The following PTPRC variants were observed in gnomAD, a reference collection of about 807,000 sequenced individuals.
PTPRC encodes protein tyrosine phosphatase receptor type C.
In PTPRC, 44 loss-of-function variants were observed where a neutral mutation model predicts 155.9. The ratio of observed to expected loss-of-function variants is 0.28; its 90% CI spans 0.22 to 0.36. PTPRC has a LOEUF of 0.36. Among genes scored for constraint, PTPRC ranks in the 10% least tolerant of loss-of-function variants. The probability of loss-of-function intolerance (pLI) is 1.00; values close to 1 mark genes in which losing one functional copy is unlikely to be tolerated. For synonymous variants in PTPRC, 525 were observed against 533.1 expected (o/e 0.98, Z 0.21); for missense variants, 1,401 against 1,564.6 (o/e 0.90, Z 1.76).
At chr1:198,667,299 G>C (rs113751821) in intron 2 of PTPRC, among the ~76,000 whole-genome samples, 3 of 152,118 alleles carry the variant, frequency 2.0e-5, no homozygotes, top group Non-Finnish European at 2.9e-5. Context: ...TTGTTTTCCA[G>C]CCTCTATTGT....
chr1:198,659,821 C>T (rs1161232172), intron 2 of PTPRC, among the ~76,000 whole-genome samples: 1 of 151,718 alleles, frequency 6.6e-6, no homozygotes, highest in Non-Finnish European at 1.5e-5. Context: ...GGATTACAGG[C>T]GTGAGCCACT....
chr1:198,684,974 G>A (rs1665538836), intron 2 of PTPRC, among the ~76,000 whole-genome samples: 1 of 151,908 alleles, frequency 6.6e-6, no homozygotes, highest in East Asian at 1.9e-4. Context: ...TTGGACATTG[G>A]TGGAGCTCAT....
intron 12 of PTPRC, among the ~76,000 whole-genome samples, chr1:198,715,666 G>T (rs1473307355): frequency 6.6e-6 from 1 of 151,560 alleles, no homozygotes; most frequent in African/African-American, 2.4e-5. Flanking sequence ...AGAACAAATT[G>T]CTTAATCTCT....
intron 11 of PTPRC, among the ~76,000 whole-genome samples, chr1:198,712,624 C>A (rs772559499): frequency 6.6e-6 from 1 of 152,024 alleles, no homozygotes; most frequent in Non-Finnish European, 1.5e-5. Context: ...ATTTTTAGCA[C>A]AGCAAAATCT....
In PTPRC at chr1:198,716,800, T is replaced by C; in HGVS notation, c.1410T>C (p.Asn470=). 1 of 1,613,668 alleles carries C rather than the reference T, an allele frequency of 6.2e-7. No homozygotes were observed. The highest frequency in any genetic ancestry group is 8.5e-7 in the Non-Finnish European group (1 of 1,179,930). ...ACATCATTGCAAAAGTGCAACGTAA[T>C]GGAAGTGCTGCAATGTGTCATTTCA... ...HAYIIAKVQR[N]GSAAMCHFTT... The change falls in exon 13 of 33, where the codon AAT becomes AAC. Residue 470 remains asparagine, a synonymous_variant. Coordinates refer to ENST00000442510, the MANE Select transcript of PTPRC (RefSeq NM_002838.5).
intron 2 of PTPRC, among the ~76,000 whole-genome samples, chr1:198,662,316 A>T (rs1170499118): frequency 6.6e-6 from 1 of 152,160 alleles, no homozygotes; most frequent in Non-Finnish European, 1.5e-5. Context: ...TATTTTATAG[A>T]TAAAGAATCT....
chr1:198,667,238 C>A (rs771236233), intron 2 of PTPRC, among the ~76,000 whole-genome samples: 14 of 152,150 alleles, frequency 9.2e-5, no homozygotes, highest in Non-Finnish European at 1.6e-4. Context: ...TAACATATAA[C>A]CATTCATTGC....
At chr1:198,666,439 T>C (rs1245914349) in intron 2 of PTPRC, among the ~76,000 whole-genome samples, 4 of 152,134 alleles carry the variant, frequency 2.6e-5, no homozygotes, top group South Asian at 2.1e-4. Context: ...CTTTGGTATA[T>C]GTAATACCCA....
intron 2 of PTPRC, among the ~76,000 whole-genome samples, chr1:198,676,179 C>T (rs928948651): frequency 3.3e-5 from 5 of 152,096 alleles, no homozygotes; most frequent in African/African-American, 1.2e-4. Context: ...TGTATGAATG[C>T]CGAAGGTAGT....
chr1:198,727,410 C>G lies in PTPRC; in HGVS notation c.1721-930C>G, dbSNP rs562921331. Among the ~76,000 whole-genome samples the G allele has an allele frequency of 3.9e-5, 6 of 152,056 alleles. No homozygotes were observed. In the South Asian group the frequency reaches 8.3e-4, roughly 21 times the overall value. On this transcript the variant is annotated intron_variant, in intron 15 of 32. Coordinates refer to ENST00000442510, the MANE Select transcript of PTPRC (RefSeq NM_002838.5). The stretch of plus-strand genomic sequence containing the variant: ...CCCTTGTTTTTCTTTATGTAGATAT[C>G]CTAAGTACCTAGAGCTGAGTTTGGC...
chr1:198,692,951 A>C (rs1370252589), intron 3 of PTPRC: 1 of 916,824 alleles, frequency 1.1e-6, no homozygotes, highest in African/African-American at 1.8e-5. Flanking sequence ...AAATTCATAC[A>C]TAGTACATAC....
At chr1:198,682,773 A>G (rs1665412542) in intron 2 of PTPRC, among the ~76,000 whole-genome samples, 1 of 152,192 alleles carries the variant, frequency 6.6e-6, no homozygotes, top group Non-Finnish European at 1.5e-5. Flanking sequence ...AGACAAGTTC[A>G]TGCTACCATT....
In PTPRC at chr1:198,757,281, T is replaced by TAATA. The variant is rs566623240; in HGVS notation, c.*1101_*1104dup. 194 of 152,018 alleles carry TAATA rather than the reference T, an allele frequency of 1.3e-3. No homozygotes were observed. The highest frequency in any genetic ancestry group is 4.4e-3 in the African/African-American group (184 of 41,552). The allele number at this position is 152,018 out of a possible 1,614,324, so 9.4% of individuals were successfully genotyped here. On this transcript the variant is annotated 3_prime_UTR_variant, in exon 33 of 33. Coordinates refer to ENST00000442510, the MANE Select transcript of PTPRC (RefSeq NM_002838.5). ...TCAACCATTATTTTTTTCTTGTTTA[T>TAATA]AATACATTGTGTTATATGTTCAAAT... is the stretch of plus-strand genomic sequence containing the variant.
chr1:198,654,862 A>T (rs1663467391), intron 2 of PTPRC, among the ~76,000 whole-genome samples: 1 of 151,950 alleles, frequency 6.6e-6, no homozygotes, highest in Non-Finnish European at 1.5e-5. Context: ...TGTTAAAATT[A>T]CTAAGAATGA....
intron 13 of PTPRC, among the ~76,000 whole-genome samples, chr1:198,717,673 A>ACC (rs1418318417): frequency 6.6e-6 from 1 of 152,130 alleles, no homozygotes; most frequent in Non-Finnish European, 1.5e-5. Context: ...TTCCTGAAGA[A>ACC]CCCATCTAGG....
Position 198,692,331 on chromosome 1 carries a change from TG to T in PTPRC, c.74-15del, listed in dbSNP as rs758802847. On this transcript the variant is annotated splice_polypyrimidine_tract_variant and intron_variant, in intron 2 of 32. Coordinates refer to ENST00000442510, the MANE Select transcript of PTPRC (RefSeq NM_002838.5). The stretch of plus-strand genomic sequence containing the variant: ...AATTTGAAATTTTCTAAGAGATTTT[TG>T]TTTCTTCTTTGCAGGGCAAAGCCCA... 9.9e-6 allele frequency: 15 copies of T among 1,509,752 alleles called. No homozygotes were observed. The South Asian group carries it at 1.9e-4, about 19-fold the overall frequency. 93.5% of individuals were successfully genotyped at this position (1,509,752 alleles called of 1,614,324 possible). A position where few individuals can be genotyped will look rare whatever the true frequency, so the allele number is the denominator to read the frequency against.
At chr1:198,745,805 G>A (rs183601766) in intron 26 of PTPRC, among the ~76,000 whole-genome samples, 5 of 151,754 alleles carry the variant, frequency 3.3e-5, no homozygotes, top group African/African-American at 1.2e-4. Context: ...GACTGAGGTG[G>A]AAAATAAAAA....
rs764426237 is a variant in PTPRC at position 198,728,399 on chromosome 1, C to T, written c.1780C>T (p.Leu594=). Residue 594 remains leucine, a synonymous_variant, in exon 16 of 33, where the codon CTG becomes TTG. Coordinates refer to ENST00000442510, the MANE Select transcript of PTPRC (RefSeq NM_002838.5). ...AFLIIVTSIA[L]LVVLYKIYDL... ...TCTGATTATTGTGACATCAATAGCC[C>T]TGCTTGTTGTTCTCTACAAAATCTA... 3.7e-6 allele frequency: 6 copies of T among 1,612,980 alleles called. No homozygotes were observed. The highest frequency in any genetic ancestry group is 2.2e-5 in the East Asian group (1 of 44,736).
At chr1:198,706,613 GT>G (rs1224413696) in intron 8 of PTPRC, 120 bp from the exon 9 acceptor site, 7 of 1,105,854 alleles carry the variant, frequency 6.3e-6, no homozygotes, top group African/African-American at 3.2e-5. Context: ...CACCTAATGT[GT>G]TTTTTCTTTT....
Sources: gnomAD v4.1 joint callset for allele counts (sites outside exome capture counted in the v4.1 genomes callset) on GRCh38, gnomAD v4.1.1 for gene constraint, MANE v1.5 for transcripts, NCBI Gene and HGNC (gene_info 2026-07-23, HGNC 2026-07-21) for gene names.